ARSB: variants seen among roughly 807,000 people sequenced by gnomAD.
The protein encoded by ARSB is arylsulfatase B.
ARSB carries 41 observed loss-of-function variants against 50.9 expected under a neutral mutation model. The ratio of observed to expected loss-of-function variants is 0.81; its 90% CI spans 0.63 to 1.04. ARSB has a LOEUF of 1.04. ARSB is among the 50% of genes least tolerant of loss of function. The pLI is 0.00. For synonymous variants in ARSB, 269 were observed against 284.8 expected (o/e 0.94, Z 0.56); for missense variants, 672 against 693.3 (o/e 0.97, Z 0.35).
At chr5:78,829,721 A>G (rs1744588344) in intron 6 of ARSB, among the ~76,000 whole-genome samples, 1 of 152,214 alleles carries the variant, frequency 6.6e-6, no homozygotes. Context: ...CCTTATACAC[A>G]AGCACCCTAA....
rs1255496317 is a variant in ARSB, at chr5:78,885,588, T to C, written c.1138A>G (p.Ile380Val). 3.1e-6 allele frequency: 5 copies of C among 1,613,606 alleles called. No homozygotes were observed. Among genetic ancestry groups the C allele is most frequent in the Non-Finnish European group, 2.5e-6 (3 of 1,180,028 alleles). ...PLDGFDVWKT[I>V]SEGSPSPRIE... is the part of the protein sequence containing the mutation. ...AAAAGGGCAGGGTGTAGGTACCTGA[T>C]GGTTTTCCACACGTCGAAGCCATCC... Residue 380 changes from isoleucine to valine, a missense_variant, in exon 5 of 8, where the codon ATC (isoleucine) becomes GTC (valine). Transcript: ENST00000264914.
intron 3 of ARSB, among the ~76,000 whole-genome samples, chr5:78,961,508 C>T (rs1751983599): frequency 6.6e-6 from 1 of 152,160 alleles, no homozygotes; most frequent in Admixed American, 6.5e-5. Context: ...AACACTCCTT[C>T]CATGGCTAGC....
At chr5:78,862,474 A>C (rs1352443065) in intron 5 of ARSB, among the ~76,000 whole-genome samples, 1 of 152,242 alleles carries the variant, frequency 6.6e-6, no homozygotes, top group Non-Finnish European at 1.5e-5. Context: ...GATCTTTGAC[A>C]AACCTGACAA....
chr5:78,826,302 C>A (rs1744430539), intron 6 of ARSB, among the ~76,000 whole-genome samples: 1 of 152,182 alleles, frequency 6.6e-6, no homozygotes, highest in Non-Finnish European at 1.5e-5. Flanking sequence ...GCCTCAGCCT[C>A]CCAAAGTGCT....
chr5:78,809,792 C>T (rs1049627445), intron 6 of ARSB, among the ~76,000 whole-genome samples: 1 of 152,262 alleles, frequency 6.6e-6, no homozygotes, highest in African/African-American at 2.4e-5. Flanking sequence ...CTCTCCACTG[C>T]GGGCCTGTAG....
At chr5:78,812,001 C>T (rs1743825628) in intron 6 of ARSB, among the ~76,000 whole-genome samples, 1 of 151,940 alleles carries the variant, frequency 6.6e-6, no homozygotes. Flanking sequence ...AATTTTTGGC[C>T]AAGTGCTGCC....
intron 6 of ARSB, among the ~76,000 whole-genome samples, chr5:78,788,992 A>G (rs1749169997): frequency 6.6e-6 from 1 of 152,214 alleles, no homozygotes; most frequent in Non-Finnish European, 1.5e-5. Context: ...TACACTAATT[A>G]GTGATTCCAA....
chr5:78,901,367 T>C (rs982281625), intron 4 of ARSB, among the ~76,000 whole-genome samples: 5 of 152,150 alleles, frequency 3.3e-5, no homozygotes, highest in Admixed American at 6.5e-5. Context: ...ATCCCAAGAC[T>C]GCAATCAATT....
In ARSB at chr5:78,795,506, G is replaced by A. The variant is rs139719988; in HGVS notation, c.1214-13532C>T. Among the ~76,000 whole-genome samples, 654 of 152,282 alleles carry A rather than the reference G, an allele frequency of 4.3e-3. 2 individuals carry two copies. The highest frequency in any genetic ancestry group is 7.3e-3 in the Non-Finnish European group (494 of 68,024). On this transcript the variant is annotated intron_variant, in intron 6 of 7. Transcript: ENST00000264914. ...TCGGGGCCTGTGCAGCTCTGCCAGC[G>A]TGTACCAAAGAAGAGTAAAATAGGG...
At chr5:78,873,429 A>T (rs1051331068) in intron 5 of ARSB, among the ~76,000 whole-genome samples, 1 of 151,886 alleles carries the variant, frequency 6.6e-6, no homozygotes, top group African/African-American at 2.4e-5. Context: ...AGAAGATTCA[A>T]TAATACCTAT....
chr5:78,957,955 C>T (rs1561526526), intron 3 of ARSB, among the ~76,000 whole-genome samples: 2 of 102,662 alleles, frequency 1.9e-5, no homozygotes, highest in Non-Finnish European at 4.5e-5. Flanking sequence ...TTGCAGCCCA[C>T]GTAAAGTTTT....
chr5:78,852,122 T>C lies in ARSB; in HGVS notation c.1143-12696A>G, dbSNP rs564280209. ...GTCATTATGATATTAGCTGGTTATTTTGCTCGTTAGTTGATGCAGTTTCTT... is the reference window on the plus strand; with the variant it reads ...GTCATTATGATATTAGCTGGTTATTCTGCTCGTTAGTTGATGCAGTTTCTT... On this transcript the variant is annotated intron_variant, in intron 5 of 7. Transcript: ENST00000264914. 6.6e-5 allele frequency among the ~76,000 whole-genome samples: 10 copies of C among 152,352 alleles called. No homozygotes were observed. In the South Asian group the frequency reaches 2.1e-3, roughly 32 times the overall value.
At chr5:78,863,751 T>TATA in intron 5 of ARSB, among the ~76,000 whole-genome samples, 1 of 151,932 alleles carries the variant, frequency 6.6e-6, no homozygotes, top group East Asian at 1.9e-4. Context: ...GAACTTAAAG[T>TATA]ATAATAATAA....
At chr5:78,924,482 C>T (rs1749962480) in intron 4 of ARSB, among the ~76,000 whole-genome samples, 2 of 152,164 alleles carry the variant, frequency 1.3e-5, no homozygotes, top group Admixed American at 6.5e-5. Flanking sequence ...GTCCTATAGC[C>T]AGCTCAGCCT....
chr5:78,797,058 T>G (rs1743211642), intron 6 of ARSB, among the ~76,000 whole-genome samples: 1 of 152,292 alleles, frequency 6.6e-6, no homozygotes, highest in Non-Finnish European at 1.5e-5. Flanking sequence ...TTTGTATTTT[T>G]TAGTAGAGAC....
chr5:78,922,002 G>A (rs10040315), intron 4 of ARSB, among the ~76,000 whole-genome samples: 42,681 of 151,958 alleles, frequency 0.28, 6,363 homozygotes, highest in Middle Eastern at 0.34. Flanking sequence ...GCTGGCACCC[G>A]TGGAGGGAGC....
At chr5:78,927,171 A>G (rs1358030581) in intron 4 of ARSB, among the ~76,000 whole-genome samples, 2 of 152,222 alleles carry the variant, frequency 1.3e-5, no homozygotes, top group Non-Finnish European at 2.9e-5. Flanking sequence ...CCTGGCTGAA[A>G]TTAATTTTAA....
chr5:78,984,245 T>G (rs1753042782), intron 1 of ARSB, among the ~76,000 whole-genome samples: 1 of 152,256 alleles, frequency 6.6e-6, no homozygotes, highest in African/African-American at 2.4e-5. Context: ...ATGCAAATGT[T>G]CTTGATATTC....
chr5:78,812,592 A>AACACACACACACACAC (rs66597603), intron 6 of ARSB, among the ~76,000 whole-genome samples: 32 of 144,362 alleles, frequency 2.2e-4, no homozygotes, highest in Middle Eastern at 3.4e-3. Flanking sequence ...ATTCTGTTCA[A>AACACACACACACACAC]ACACACACAC....
Sources: gnomAD v4.1 joint callset for allele counts (sites outside exome capture counted in the v4.1 genomes callset) on GRCh38, gnomAD v4.1.1 for gene constraint, MANE v1.5 for transcripts, NCBI Gene and HGNC (gene_info 2026-07-23, HGNC 2026-07-21) for gene names.